Variants in ADK observed in about 807,000 individuals in gnomAD.
ADK encodes N6,N6-dimethyladenosine kinase.
A neutral mutation model predicts 44.7 loss-of-function variants in ADK; 24 were observed. That is an observed-to-expected ratio of 0.54 (90% CI 0.39 to 0.76). ADK has a LOEUF of 0.76. ADK is among the 30% of genes least tolerant of loss of function. The pLI, the probability that ADK is intolerant of heterozygous loss-of-function variation, is 0.00. For synonymous variants in ADK, 128 were observed against 142.6 expected, an observed-to-expected ratio of 0.90 and a Z score of 0.73; for missense variants, 321 against 425.1, an observed-to-expected ratio of 0.76 and a Z score of 2.15.
rs189557337 is a variant in ADK at position 74,493,186 on chromosome 10, T to C, written c.556-32070T>C. ...ATAATGCATTTTATTTTATTTTATTTTACTTTACTGAGACAGAGTCTCAGT... is the reference window on the plus strand; with the variant it reads ...ATAATGCATTTTATTTTATTTTATTCTACTTTACTGAGACAGAGTCTCAGT... On this transcript the variant is annotated intron_variant, in intron 6 of 10. Coordinates refer to ENST00000539909, the MANE Select transcript of ADK (RefSeq NM_006721.4). 2.9e-4 allele frequency among the ~76,000 whole-genome samples: 44 copies of C among 152,116 alleles called. No homozygotes were observed. The East Asian group carries it at 8.1e-3, about 28-fold the overall frequency.
intron 10 of ADK, among the ~76,000 whole-genome samples, chr10:74,671,404 G>T (rs1228773640): frequency 9.9e-5 from 15 of 151,972 alleles, no homozygotes; most frequent in Non-Finnish European, 2.2e-4. Flanking sequence ...CGCCATGTTG[G>T]GCAGGCTGGT....
chr10:74,621,913 C>G (rs1853007524), intron 9 of ADK, among the ~76,000 whole-genome samples: 1 of 152,108 alleles, frequency 6.6e-6, no homozygotes, highest in African/African-American at 2.4e-5. Flanking sequence ...GGAATCTCAG[C>G]TGAAATCCTG....
intron 10 of ADK, among the ~76,000 whole-genome samples, chr10:74,694,432 C>T (rs1380821838): frequency 6.6e-6 from 1 of 151,592 alleles, no homozygotes; most frequent in East Asian, 1.9e-4. Flanking sequence ...AATTTCCTCT[C>T]TTTAAAGGTA....
chr10:74,623,138 C>T (rs754102893), intron 9 of ADK, among the ~76,000 whole-genome samples: 1 of 152,188 alleles, frequency 6.6e-6, no homozygotes, highest in Non-Finnish European at 1.5e-5. Flanking sequence ...TTCCCCCTTC[C>T]TTTCAGTTAT....
intron 6 of ADK, among the ~76,000 whole-genome samples, chr10:74,521,774 G>A (rs1416689200): frequency 2.0e-5 from 3 of 152,102 alleles, no homozygotes; most frequent in Non-Finnish European, 4.4e-5. Flanking sequence ...GCAGCAGCTT[G>A]GATGCTCATA....
chr10:74,678,144 A>C (rs974131454), intron 10 of ADK, among the ~76,000 whole-genome samples: 9 of 107,366 alleles, frequency 8.4e-5, no homozygotes, highest in African/African-American at 4.2e-4. Context: ...CTGTCTCTAC[A>C]AAAAAAAAAA....
chr10:74,708,258 C>T (rs1856676104), intron 10 of ADK, 63 bp from the exon 11 acceptor site: 2 of 1,577,564 alleles, frequency 1.3e-6, no homozygotes, highest in Non-Finnish European at 8.6e-7. Flanking sequence ...TTGGTCTGAC[C>T]CAATATGACA....
intron 4 of ADK, among the ~76,000 whole-genome samples, chr10:74,346,621 T>G (rs1841775106): frequency 6.6e-6 from 1 of 152,150 alleles, no homozygotes; most frequent in Non-Finnish European, 1.5e-5. Context: ...ATCGAGTAGC[T>G]CTGCAGCTAC....
At chr10:74,396,887 G>A (rs1340634511) in intron 5 of ADK, among the ~76,000 whole-genome samples, 3 of 151,878 alleles carry the variant, frequency 2.0e-5, no homozygotes, top group Non-Finnish European at 2.9e-5. Context: ...ACCCGGAGGC[G>A]GAGGTTGCAG....
intron 7 of ADK, among the ~76,000 whole-genome samples, chr10:74,584,039 A>G (rs1377491908): frequency 6.6e-6 from 1 of 152,152 alleles, no homozygotes; most frequent in African/African-American, 2.4e-5. Context: ...ACATACCATC[A>G]CTTTTGTCAT....
At chr10:74,205,675 C>CAAAAAAAA (rs11419041) in intron 2 of ADK, among the ~76,000 whole-genome samples, 1 of 85,312 alleles carries the variant, frequency 1.2e-5, no homozygotes, top group Non-Finnish European at 2.2e-5. Flanking sequence ...GAATCTGTCT[C>CAAAAAAAA]AAAAAAAAAA....
chr10:74,322,822 C>T (rs1376247252), intron 4 of ADK, among the ~76,000 whole-genome samples: 1 of 151,590 alleles, frequency 6.6e-6, no homozygotes, highest in Non-Finnish European at 1.5e-5. Context: ...CCCTTCTCCT[C>T]CTACCCTTCC....
rs762444160 is a variant in ADK at position 74,680,037 on chromosome 10, G to T, written c.964+9768G>T. Among the ~76,000 whole-genome samples the T allele has an allele frequency of 2.0e-5, 3 of 150,944 alleles. No individual in the cohort carries two copies. In the South Asian group the frequency reaches 6.3e-4, roughly 32 times the overall value. ...TACTGTAAACAGATGAGTACAGGCC[G>T]GGCACGGTGGCTCACGCCTGTAATC... On this transcript the variant is annotated intron_variant, in intron 10 of 10. Transcript: ENST00000539909.
chr10:74,222,453 C>T (rs992233159), intron 2 of ADK, among the ~76,000 whole-genome samples: 98 of 151,514 alleles, frequency 6.5e-4, no homozygotes, highest in African/African-American at 2.2e-3. Context: ...GTCAGTGTGG[C>T]GATTCCTCAG....
At chr10:74,465,054 G>A (rs942449006) in intron 6 of ADK, among the ~76,000 whole-genome samples, 1 of 152,052 alleles carries the variant, frequency 6.6e-6, no homozygotes, top group Non-Finnish European at 1.5e-5. Context: ...AAAATATCTA[G>A]TATATTAGAT....
intron 4 of ADK, among the ~76,000 whole-genome samples, chr10:74,358,193 A>T (rs1842208425): frequency 6.6e-6 from 1 of 152,230 alleles, no homozygotes; most frequent in South Asian, 2.1e-4. Context: ...CTCGTTATGA[A>T]ATTACCTCAT....
intron 4 of ADK, among the ~76,000 whole-genome samples, chr10:74,330,040 T>C (rs1841165369): frequency 6.6e-6 from 1 of 151,936 alleles, no homozygotes; most frequent in African/African-American, 2.4e-5. Context: ...CGGTGGTACA[T>C]GCCTGTCATC....
chr10:74,268,339 C>A (rs1017986580), intron 3 of ADK, among the ~76,000 whole-genome samples: 8 of 152,070 alleles, frequency 5.3e-5, no homozygotes, highest in African/African-American at 9.7e-5. Flanking sequence ...GCAACACCCC[C>A]CAACACATGA....
intron 6 of ADK, among the ~76,000 whole-genome samples, chr10:74,442,570 C>A (rs1229952971): frequency 6.6e-6 from 1 of 152,144 alleles, no homozygotes; most frequent in Admixed American, 6.5e-5. Context: ...CGCTCAAACC[C>A]AGGAGGTGGA....
Sources: gnomAD v4.1 joint callset for allele counts (sites outside exome capture counted in the v4.1 genomes callset) on GRCh38, gnomAD v4.1.1 for gene constraint, MANE v1.5 for transcripts, NCBI Gene and HGNC (gene_info 2026-07-23, HGNC 2026-07-21) for gene names.